CDH23: variants seen among roughly 807,000 people sequenced by gnomAD.
The protein encoded by CDH23 is cadherin-23.
CDH23 carries 189 observed loss-of-function variants against 317.1 expected under a neutral mutation model. The observed-to-expected ratio is 0.60, with a 90% CI of 0.53 to 0.67. The LOEUF is 0.67. Among genes scored for constraint, CDH23 ranks in the 30% least tolerant of loss-of-function variants. CDH23 has a pLI of 0.00. For missense variants in CDH23, 4,401 were observed against 4,592.4 expected (o/e 0.96, Z 1.20); for synonymous variants, 1,839 against 1,876.8 (o/e 0.98, Z 0.52).
At chr10:71,425,814 T>C (rs931573834) in intron 1 of CDH23, among the ~76,000 whole-genome samples, 1 of 152,174 alleles carries the variant, frequency 6.6e-6, no homozygotes, top group African/African-American at 2.4e-5. Flanking sequence ...AGATTTGCAG[T>C]CACATGTACA....
At chr10:71,543,869 T>C (rs1434456624) in intron 6 of CDH23, among the ~76,000 whole-genome samples, 1 of 152,078 alleles carries the variant, frequency 6.6e-6, no homozygotes, top group Non-Finnish European at 1.5e-5. Context: ...CTAAGTACTG[T>C]AGAGCAGAAT....
intron 26 of CDH23, among the ~76,000 whole-genome samples, chr10:71,708,089 C>T (rs1865854930): frequency 6.6e-5 from 10 of 152,208 alleles, no homozygotes; most frequent in Admixed American, 6.5e-4. Flanking sequence ...GCTCCACTGC[C>T]CACACTATTT....
At chr10:71,743,859 A>G (rs1374681807) in intron 38 of CDH23, among the ~76,000 whole-genome samples, 1 of 152,272 alleles carries the variant, frequency 6.6e-6, no homozygotes, top group African/African-American at 2.4e-5. Context: ...TTTCAGGCTC[A>G]GAGGTGTCAG....
intron 11 of CDH23, among the ~76,000 whole-genome samples, chr10:71,642,492 G>A (rs758111624): frequency 2.9e-5 from 4 of 138,452 alleles, no homozygotes; most frequent in Admixed American, 8.0e-5. Flanking sequence ...TCCGCCTCCC[G>A]GCTTCAAGCA....
chr10:71,471,198 G>A (rs1851489721), intron 3 of CDH23, among the ~76,000 whole-genome samples: 2 of 152,170 alleles, frequency 1.3e-5, no homozygotes, highest in Admixed American at 6.5e-5. Context: ...CTGGCTTACT[G>A]CACTGCCATC....
chr10:71,454,059 A>G (rs1850575593), intron 3 of CDH23, among the ~76,000 whole-genome samples: 2 of 151,982 alleles, frequency 1.3e-5, no homozygotes, highest in Non-Finnish European at 2.9e-5. Flanking sequence ...CTTTGCCTTC[A>G]CCCTCCCCTG....
At chr10:71,714,502 T>C (rs1260997262) in intron 28 of CDH23, 4 of 152,068 alleles carry the variant, frequency 2.6e-5, no homozygotes, top group Non-Finnish European at 4.4e-5. Context: ...TAGGAGACAG[T>C]AGGGGCGGCT....
At chr10:71,584,695 A>G (rs968746264) in intron 9 of CDH23, among the ~76,000 whole-genome samples, 1 of 152,230 alleles carries the variant, frequency 6.6e-6, no homozygotes, top group South Asian at 2.1e-4. Context: ...ATAGGAGACC[A>G]TCGTGCGAAA....
At chr10:71,691,705 G>A (rs1194353810) in intron 20 of CDH23, among the ~76,000 whole-genome samples, 1 of 152,192 alleles carries the variant, frequency 6.6e-6, no homozygotes, top group African/African-American at 2.4e-5. Flanking sequence ...GGCCCTGCCT[G>A]GCAGTCACAT....
intron 11 of CDH23, among the ~76,000 whole-genome samples, chr10:71,631,799 T>C (rs1862025469): frequency 6.6e-6 from 1 of 152,206 alleles, no homozygotes; most frequent in African/African-American, 2.4e-5. Flanking sequence ...TAAATAGTCC[T>C]ACAGGGACAG....
intron 6 of CDH23, among the ~76,000 whole-genome samples, chr10:71,529,643 TCAGAACATCTAG>T (rs1188301317): frequency 4.6e-5 from 7 of 152,018 alleles, no homozygotes; most frequent in Non-Finnish European, 7.4e-5. Context: ...CCTTCCAATC[TCAGAACATCTAG>T]CAGAACATGG....
At chr10:71,702,329 T>C (rs1589350255) in intron 23 of CDH23, 118 bp downstream of exon 23, 4 of 1,213,784 alleles carry the variant, frequency 3.3e-6, no homozygotes, top group East Asian at 2.3e-5. Context: ...TCACCAAGAG[T>C]AGAGTAATAC....
chr10:71,674,370 A>C (rs980111960), intron 14 of CDH23, among the ~76,000 whole-genome samples: 3 of 152,254 alleles, frequency 2.0e-5, no homozygotes, highest in Non-Finnish European at 2.9e-5. Context: ...ATTTTTAGCC[A>C]TGAGGGCTTT....
At chr10:71,590,897 CAAAAAA>C (rs1242410489) in intron 9 of CDH23, among the ~76,000 whole-genome samples, 4 of 72,236 alleles carry the variant, frequency 5.5e-5, no homozygotes, top group African/African-American at 2.6e-4. Context: ...CAAAAAAAAA[CAAAAAA>C]AAACACCAGT....
At chr10:71,704,380 C>T (rs1275427077) in intron 24 of CDH23, among the ~76,000 whole-genome samples, 2 of 152,088 alleles carry the variant, frequency 1.3e-5, no homozygotes, top group Non-Finnish European at 2.9e-5. Flanking sequence ...TGTGCATGGC[C>T]ACAAACAGTT....
chr10:71,582,635 C>G (rs902264335), intron 9 of CDH23, among the ~76,000 whole-genome samples: 1 of 152,132 alleles, frequency 6.6e-6, no homozygotes, highest in Admixed American at 6.5e-5. Context: ...ATGGAGATAA[C>G]AGCCTCTGCC....
At chr10:71,467,886 C>T (rs939403826) in intron 3 of CDH23, among the ~76,000 whole-genome samples, 2 of 152,174 alleles carry the variant, frequency 1.3e-5, no homozygotes, top group African/African-American at 2.4e-5. Context: ...CCATGACTCC[C>T]GGCCAGTGCC....
chr10:71,414,690 C>T (rs906296074), intron 1 of CDH23, among the ~76,000 whole-genome samples: 6 of 152,076 alleles, frequency 3.9e-5, no homozygotes, highest in Non-Finnish European at 8.8e-5. Flanking sequence ...ATTATAGTAT[C>T]GAGTTCTGCT....
chr10:71,508,956 G>A (rs969063956), intron 3 of CDH23, among the ~76,000 whole-genome samples: 1 of 152,188 alleles, frequency 6.6e-6, no homozygotes, highest in African/African-American at 2.4e-5. Flanking sequence ...GGCAAAGCAG[G>A]GCAGTTAGTG....
Sources: gnomAD v4.1 joint callset for allele counts (sites outside exome capture counted in the v4.1 genomes callset) on GRCh38, gnomAD v4.1.1 for gene constraint, MANE v1.5 for transcripts, NCBI Gene and HGNC (gene_info 2026-07-23, HGNC 2026-07-21) for gene names.